RCBTB2: variants seen among roughly 807,000 people sequenced by gnomAD.
RCBTB2 encodes RCC1 and BTB domain-containing protein 2.
Under a neutral mutation model 65.4 loss-of-function variants are expected in RCBTB2, and 55 were observed. That is an observed-to-expected ratio of 0.84 (90% CI 0.68 to 1.05). The LOEUF (loss-of-function observed/expected upper bound fraction) is 1.05. RCBTB2 is among the 50% of genes least tolerant of loss of function. The pLI, the probability that RCBTB2 is intolerant of heterozygous loss-of-function variation, is 0.00. For synonymous variants in RCBTB2, 220 were observed against 255.2 expected (o/e 0.86, Z 1.31); for missense variants, 599 against 680.1 (o/e 0.88, Z 1.33).
chr13:48,496,254 C>T lies in RCBTB2; in HGVS notation c.1452G>A (p.Lys484=), dbSNP rs1204511866. ...TGGCATTCTCCTCGCAGATGCCTTGCTTGATAGTTTGTTGGCAGAGCTTTT... is the reference window on the plus strand; with the variant it reads ...TGGCATTCTCCTCGCAGATGCCTTGTTTGATAGTTTGTTGGCAGAGCTTTT... ...RLKKLCQQTI[K]QGICEENAIA... Residue 484 remains lysine (K), a synonymous_variant, in exon 14 of 15, where the codon AAG becomes AAA. Transcript: ENST00000344532. 6.3e-7 allele frequency: 1 copy of T among 1,595,120 alleles called. No homozygotes were observed. The highest frequency in any genetic ancestry group is 8.5e-7 in the Non-Finnish European group (1 of 1,170,608).
At position 48,493,225 on chromosome 13, in the gene RCBTB2, T is replaced by TCACACA. The variant is rs3085589; in HGVS notation, c.1515+2960_1515+2965dup. ...TATACAGCCTCCTAAGTACCCTCCT[T>TCACACA]CACACACACACACACACACACACAC... On this transcript the variant is annotated intron_variant, in intron 14 of 14. Coordinates refer to ENST00000344532, the MANE Select transcript of RCBTB2 (RefSeq NM_001268.4). 8.9e-3 allele frequency among the ~76,000 whole-genome samples: 972 copies of TCACACA among 109,138 alleles called. 9 individuals carry two copies. Among genetic ancestry groups the TCACACA allele is most frequent in the Non-Finnish European group, 0.01 (604 of 59,780 alleles). 71.6% of individuals were successfully genotyped at this position (109,138 alleles called of 152,430 possible). A position where few individuals can be genotyped will look rare whatever the true frequency, so the allele number is the denominator to read the frequency against.
rs147415321 is a variant in RCBTB2, at chr13:48,496,601, C to T, written c.1385-280G>A. 3.4e-3 allele frequency among the ~76,000 whole-genome samples: 522 copies of T among 151,498 alleles called. 7 individuals carry two copies. Among genetic ancestry groups the T allele is most frequent in the African/African-American group, 0.012 (501 of 41,198 alleles). ...TTTTTTCCTAGGAAAAAAGCATGTGCGCCTTGAATGACCCCTTCCCCTGCA... is the reference window on the plus strand; with the variant it reads ...TTTTTTCCTAGGAAAAAAGCATGTGTGCCTTGAATGACCCCTTCCCCTGCA... On this transcript the variant is annotated intron_variant, in intron 13 of 14. Transcript: ENST00000344532.
intron 4 of RCBTB2, among the ~76,000 whole-genome samples, chr13:48,516,853 A>C (rs1037664700): frequency 1.3e-5 from 2 of 152,240 alleles, no homozygotes; most frequent in Non-Finnish European, 2.9e-5. Context: ...TCAACTTGCC[A>C]ACATTTTGTA....
In RCBTB2 at chr13:48,521,135, G is replaced by A. The variant is rs553297134; in HGVS notation, c.42+763C>T. Among the ~76,000 whole-genome samples, 180 of 152,148 alleles carry A rather than the reference G, an allele frequency of 1.2e-3. 1 individual carries two copies. Among genetic ancestry groups the A allele is most frequent in the Admixed American group, 1.7e-3 (26 of 15,276 alleles). ...CTGTTAACATTTTTGTAGGACTCTC[G>A]AGTTCTATACATTACTTTTGTAAAC... On this transcript the variant is annotated intron_variant, in intron 4 of 14. Transcript: ENST00000344532.
At position 48,515,640 on chromosome 13, in the gene RCBTB2, A is replaced by T. The variant is rs144002225; in HGVS notation, c.144T>A (p.Ala48=). The change falls in exon 5 of 15, where the codon GCT becomes GCA. Residue 48 remains alanine (A), a synonymous_variant. Transcript: ENST00000344532. The part of the protein sequence containing the change: ...SEEELQLIRQ[A]CVFGSAGNEV... ...CATTGCCAGCACTGCCAAAGACACA[A>T]GCCTGACGAATTAACTGTAGTTCTT... 227 of 1,614,020 alleles carry T rather than the reference A, an allele frequency of 1.4e-4. No individual in the cohort carries two copies. Among genetic ancestry groups the T allele is most frequent in the Non-Finnish European group, 1.8e-4 (209 of 1,179,984 alleles).
At chr13:48,508,110 C>T (rs1025904106) in intron 10 of RCBTB2, among the ~76,000 whole-genome samples, 1 of 152,134 alleles carries the variant, frequency 6.6e-6, no homozygotes, top group Non-Finnish European at 1.5e-5. Flanking sequence ...TGAAACCCAC[C>T]CCACCCCACA....
chr13:48,512,967 G>T, intron 6 of RCBTB2, 72 bp from the exon 7 acceptor site: 1 of 1,225,584 alleles, frequency 8.2e-7, no homozygotes, highest in Non-Finnish European at 1.1e-6. Flanking sequence ...ATGTAGCACA[G>T]CTTCCACAAA....
chr13:48,496,129 G>T, intron 14 of RCBTB2, 62 bp downstream of exon 14: 3 of 1,377,844 alleles, frequency 2.2e-6, no homozygotes, highest in Non-Finnish European at 2.8e-6. Flanking sequence ...TTTAAGGTAC[G>T]AGGCAGACAC....
intron 14 of RCBTB2, among the ~76,000 whole-genome samples, chr13:48,491,297 A>G (rs1389835849): frequency 6.6e-6 from 1 of 150,628 alleles, no homozygotes; most frequent in Non-Finnish European, 1.5e-5. Context: ...AACCTACGGT[A>G]CATTTTCTTT....
At chr13:48,509,027 C>G (rs1256858519) in intron 10 of RCBTB2, among the ~76,000 whole-genome samples, 1 of 152,092 alleles carries the variant, frequency 6.6e-6, no homozygotes, top group Non-Finnish European at 1.5e-5. Flanking sequence ...AGTGTAGGAG[C>G]ACCATAAAAA....
intron 14 of RCBTB2, among the ~76,000 whole-genome samples, chr13:48,490,762 G>C (rs138484907): frequency 1.9e-3 from 282 of 152,306 alleles, no homozygotes; most frequent in African/African-American, 6.3e-3. Flanking sequence ...CTCTTTATGA[G>C]ACGACACAGG....
chr13:48,507,409 G>A (rs985276250), intron 10 of RCBTB2, among the ~76,000 whole-genome samples: 11 of 152,184 alleles, frequency 7.2e-5, no homozygotes, highest in African/African-American at 2.7e-4. Flanking sequence ...ACTATCAACT[G>A]AGCTAACCTT....
rs1949967837 is a variant in RCBTB2, at chr13:48,496,298, A to C, written c.1408T>G (p.Tyr470Asp). 6.3e-7 allele frequency: 1 copy of C among 1,584,732 alleles called. No homozygotes were observed. The highest frequency in any genetic ancestry group is 1.4e-5 in the African/African-American group (1 of 73,462). ...AVGLLDLATF[Y>D]RENRLKKLCQ... ...AGCTTTTTCAAACGATTTTCTCTAT[A>C]AAATGTAGCCAAGTCTAGCAGTCCT... is the stretch of plus-strand genomic sequence containing the variant. The change falls in exon 14 of 15, where the codon TAT becomes GAT. Residue 470 changes from tyrosine (Y) to aspartate (D), a missense_variant. Coordinates refer to ENST00000344532, the MANE Select transcript of RCBTB2 (RefSeq NM_001268.4).
intron 4 of RCBTB2, 104 bp downstream of exon 4, chr13:48,521,794 G>T: frequency 9.8e-7 from 1 of 1,022,514 alleles, no homozygotes; most frequent in Non-Finnish European, 1.5e-6. Context: ...CTCAAAGATA[G>T]ATAGTATCTC....
chr13:48,532,671 G>C (rs1178936475), intron 1 of RCBTB2: 1 of 245,126 alleles, frequency 4.1e-6, no homozygotes, highest in Non-Finnish European at 8.2e-6. Context: ...CAGAGGACTC[G>C]CGCATGCGCA....
chr13:48,533,154 G>A (rs1414822412), upstream of RCBTB2: 2 of 387,258 alleles, frequency 5.2e-6, no homozygotes, highest in South Asian at 3.6e-5. Context: ...GGATGCGCTC[G>A]GGTGCCCGGC....
chr13:48,499,154 T>A (rs1410534765), intron 13 of RCBTB2, among the ~76,000 whole-genome samples: 2 of 132,920 alleles, frequency 1.5e-5, no homozygotes, highest in African/African-American at 7.6e-5. Flanking sequence ...TCTCTCTCTC[T>A]CTCTCTCTCT....
intron 4 of RCBTB2, among the ~76,000 whole-genome samples, chr13:48,519,953 C>A (rs1951328639): frequency 6.6e-6 from 1 of 151,960 alleles, no homozygotes; most frequent in Admixed American, 6.6e-5. Context: ...TTTTGAGCAC[C>A]AATTATGATG....
chr13:48,508,651 G>A (rs964907785), intron 10 of RCBTB2, among the ~76,000 whole-genome samples: 3 of 152,262 alleles, frequency 2.0e-5, no homozygotes, highest in Middle Eastern at 3.4e-3. Context: ...TGATCCGCCC[G>A]CCTTGGCCTC....
Sources: allele counts gnomAD v4.1 joint callset (sites outside exome capture counted in the v4.1 genomes callset), GRCh38; gene constraint gnomAD v4.1.1; transcripts MANE v1.5; gene names NCBI Gene and HGNC (gene_info 2026-07-23, HGNC 2026-07-21).